ELP1: variants seen among roughly 807,000 people sequenced by gnomAD.
ELP1 encodes elongator complex protein 1.
A neutral mutation model predicts 183.2 loss-of-function variants in ELP1; 131 were observed. That is an observed-to-expected ratio of 0.72 (90% CI 0.62 to 0.83). ELP1 has a LOEUF of 0.83. Ranked by LOEUF, ELP1 falls within the 40% of genes least tolerant of loss-of-function variation. The pLI is 0.00. For missense variants in ELP1, 1,550 were observed against 1,594.9 expected (o/e 0.97, Z 0.48); for synonymous variants, 555 against 569.0 (o/e 0.98, Z 0.35).
At chr9:108,875,495 G>A (rs368448049) in intron 35 of ELP1, 8 of 257,168 alleles carry the variant, frequency 3.1e-5, no homozygotes, top group East Asian at 2.2e-4. Context: ...GCAGACCCTT[G>A]GTGGCACACT....
Position 108,917,585 on chromosome 9 carries a change from C to T in ELP1, c.826G>A (p.Gly276Arg), listed in dbSNP as rs768721635. ...VFFEKNGLLH[G>R]HFTLPFLKDE... ...TTAAGGAAGGGAAGTGTAAAGTGTC[C>T]ATGAAGGAGTCCATTTTTCTCAAAA... is the stretch of plus-strand genomic sequence containing the variant. The change falls in exon 9 of 37, where the codon GGA becomes AGA. Residue 276 changes from glycine (G) to arginine (R), a missense_variant. By Grantham distance (125) the Gly-to-Arg change is moderately radical. Transcript: ENST00000374647. 2 of 1,613,870 alleles carry T rather than the reference C, an allele frequency of 1.2e-6. No individual in the cohort carries two copies. Among genetic ancestry groups the T allele is most frequent in the Non-Finnish European group, 1.7e-6 (2 of 1,179,880 alleles).
intron 29 of ELP1, among the ~76,000 whole-genome samples, chr9:108,887,722 G>A (rs959727681): frequency 6.6e-6 from 1 of 152,140 alleles, no homozygotes; most frequent in African/African-American, 2.4e-5. Context: ...GGATAATAGG[G>A]TCTGTTGTTT....
intron 5 of ELP1, among the ~76,000 whole-genome samples, chr9:108,925,389 T>C (rs572415538): frequency 6.6e-6 from 1 of 152,332 alleles, no homozygotes; most frequent in African/African-American, 2.4e-5. Flanking sequence ...ACAATGTTTC[T>C]ATGAAATAAC....
In ELP1 at chr9:108,878,801, C is replaced by T. The variant is rs115472775; in HGVS notation, c.3573-51G>A. 5.6e-3 allele frequency: 9,019 copies of T among 1,600,006 alleles called. 488 individuals are homozygous for T. In the African/African-American group the frequency reaches 0.11, roughly 20 times the overall value. On this transcript the variant is annotated intron_variant, in intron 33 of 36. Transcript: ENST00000374647. ...TAAGCCTCCTGAGTAGCTAGGACTACAGGCATGTGCTACCTTGCCTGGCTA... is the reference window on the plus strand; with the variant it reads ...TAAGCCTCCTGAGTAGCTAGGACTATAGGCATGTGCTACCTTGCCTGGCTA...
chr9:108,931,970 G>A (rs1355214278), intron 1 of ELP1, among the ~76,000 whole-genome samples: 4 of 152,064 alleles, frequency 2.6e-5, no homozygotes, highest in Non-Finnish European at 5.9e-5. Context: ...CTAAGTAGGG[G>A]AAAAAAATGT....
At chr9:108,906,846 T>C (rs181672351) in intron 13 of ELP1, among the ~76,000 whole-genome samples, 169 of 152,324 alleles carry the variant, frequency 1.1e-3, no homozygotes, top group Admixed American at 2.2e-3. Context: ...GGCAGGTATG[T>C]CACTTGCAGT....
rs1022884364 is a variant in ELP1, at chr9:108,891,427, A to T, written c.2959-23T>A. 7 of 1,602,018 alleles carry T rather than the reference A, an allele frequency of 4.4e-6. 1 individual carries two copies. The South Asian group carries it at 7.7e-5, about 18-fold the overall frequency. ...ATCCTGTGACAAGAGGAGATTTAGG[A>T]CTGAGGAGGAAATATGACAATCATT... On this transcript the variant is annotated intron_variant, in intron 27 of 36. Coordinates refer to ENST00000374647, the MANE Select transcript of ELP1 (RefSeq NM_003640.5).
intron 10 of ELP1, 143 bp from the exon 11 acceptor site, chr9:108,912,637 C>T (rs1463031105): frequency 7.5e-6 from 5 of 668,916 alleles, no homozygotes; most frequent in African/African-American, 3.6e-5. Context: ...ACAATAATAA[C>T]TGCCAAAAAA....
Position 108,901,485 on chromosome 9 carries a change from A to G in ELP1, c.1954T>C (p.Leu652=), listed in dbSNP as rs757287712. ...TSFAVYDEFL[L]LTTHSHTCQC... Reference sequence around the variant, plus strand: ...CAGGTATGGGAATGGGTTGTCAACAATAAAAACTCATCATATACTGCAAAT... The same window carrying G: ...CAGGTATGGGAATGGGTTGTCAACAGTAAAAACTCATCATATACTGCAAAT... Residue 652 remains leucine, a synonymous_variant, in exon 18 of 37, where the codon TTG becomes CTG. Transcript: ENST00000374647. 7 of 1,614,066 alleles carry G rather than the reference A, an allele frequency of 4.3e-6. No homozygotes were observed. In the African/African-American group the frequency reaches 9.3e-5, roughly 22 times the overall value.
intron 35 of ELP1, among the ~76,000 whole-genome samples, chr9:108,875,377 C>A (rs563331470): frequency 6.6e-6 from 1 of 152,324 alleles, no homozygotes; most frequent in East Asian, 1.9e-4. Flanking sequence ...CAAACATGTG[C>A]ATACTATGGA....
At chr9:108,880,028 G>C in intron 32 of ELP1, 24 bp downstream of exon 32, 1 of 1,460,896 alleles carries the variant, frequency 6.8e-7, no homozygotes, top group Non-Finnish European at 9.6e-7. Context: ...CCCGCACGTC[G>C]ATGGCCTTCA....
chr9:108,888,226 T>C (rs1450180779), intron 29 of ELP1, among the ~76,000 whole-genome samples: 1 of 152,198 alleles, frequency 6.6e-6, no homozygotes, highest in Admixed American at 6.5e-5. Context: ...ACTGATCAGT[T>C]TGCCAAAGGC....
intron 28 of ELP1, 66 bp from the exon 29 acceptor site, chr9:108,889,459 T>A: frequency 7.3e-7 from 1 of 1,363,846 alleles, no homozygotes; most frequent in Non-Finnish European, 1.0e-6. Flanking sequence ...AGTGCTTCTT[T>A]AATATGTCTT....
intron 12 of ELP1, 74 bp from the exon 13 acceptor site, chr9:108,908,478 C>T: frequency 1.8e-6 from 2 of 1,104,706 alleles, no homozygotes; most frequent in African/African-American, 1.5e-5. Flanking sequence ...ATGGTGTCTG[C>T]AATTAATGAG....
At chr9:108,916,348 C>A in intron 9 of ELP1, 51 bp from the exon 10 acceptor site, 1 of 1,376,988 alleles carries the variant, frequency 7.3e-7, no homozygotes, top group South Asian at 1.2e-5. Flanking sequence ...GATTTACTTC[C>A]AAATCTTTAT....
At chr9:108,931,266 G>C in intron 1 of ELP1, 65 bp from the exon 2 acceptor site, 1 of 1,076,038 alleles carries the variant, frequency 9.3e-7, no homozygotes, top group Non-Finnish European at 1.4e-6. Flanking sequence ...AAATGATTCA[G>C]GGGGTGAAGA....
At chr9:108,923,016 G>C in intron 5 of ELP1, 89 bp from the exon 6 acceptor site, 3 of 953,434 alleles carry the variant, frequency 3.1e-6, no homozygotes, top group East Asian at 2.4e-5. Context: ...TTAGTCATTG[G>C]CAATTACTCA....
chr9:108,920,331 G>A (rs1829599185), intron 6 of ELP1, among the ~76,000 whole-genome samples: 4 of 149,998 alleles, frequency 2.7e-5, no homozygotes, highest in Admixed American at 2.7e-4. Flanking sequence ...GCCCAGGCTG[G>A]AGTGCAGTGG....
chr9:108,899,449 A>C (rs1448598006), intron 20 of ELP1, among the ~76,000 whole-genome samples: 1 of 152,206 alleles, frequency 6.6e-6, no homozygotes, highest in African/African-American at 2.4e-5. Flanking sequence ...TTTCTGGGTC[A>C]TAGGCCCCGC....
Sources: gnomAD v4.1 joint callset for allele counts (sites outside exome capture counted in the v4.1 genomes callset) on GRCh38, gnomAD v4.1.1 for gene constraint, MANE v1.5 for transcripts, NCBI Gene and HGNC (gene_info 2026-07-23, HGNC 2026-07-21) for gene names.